The following NRXN3 variants were observed in gnomAD, a reference collection of about 807,000 sequenced individuals.
NRXN3 encodes neurexin III.
Under a neutral mutation model 137.6 loss-of-function variants are expected in NRXN3, and 32 were observed. The ratio of observed to expected loss-of-function variants is 0.23; its 90% confidence interval spans 0.18 to 0.31. NRXN3 has a LOEUF of 0.31. Among genes scored for constraint, NRXN3 ranks in the 10% least tolerant of loss-of-function variants. NRXN3 has a pLI of 1.00. For missense variants in NRXN3, 1,574 were observed against 2,062.5 expected, an observed-to-expected ratio of 0.76 and a Z score of 4.59; for synonymous variants, 798 against 784.5, an observed-to-expected ratio of 1.02 and a Z score of -0.29.
chr14:79,827,795 A>G (rs1240556152), intron 20 of NRXN3, among the ~76,000 whole-genome samples: 1 of 150,918 alleles, frequency 6.6e-6, no homozygotes, highest in Non-Finnish European at 1.5e-5. Flanking sequence ...CCTGGGTTCC[A>G]GCAATTCTCC....
intron 4 of NRXN3, among the ~76,000 whole-genome samples, chr14:78,433,002 G>A (rs997279058): frequency 4.6e-5 from 7 of 152,134 alleles, no homozygotes; most frequent in South Asian, 2.1e-4. Context: ...ATTAGCTCAC[G>A]GTTCTGTAGG....
At chr14:79,680,611 C>T (rs536658068) in intron 17 of NRXN3, among the ~76,000 whole-genome samples, 21 of 151,972 alleles carry the variant, frequency 1.4e-4, no homozygotes, top group Non-Finnish European at 2.1e-4. Flanking sequence ...GGTATTCATA[C>T]CCTGCAGGGA....
chr14:78,854,929 G>A (rs956485610), intron 10 of NRXN3, among the ~76,000 whole-genome samples: 1 of 152,058 alleles, frequency 6.6e-6, no homozygotes, highest in Non-Finnish European at 1.5e-5. Context: ...AAAAATACAG[G>A]TTGAGTAAGG....
At chr14:79,218,054 G>C (rs1458591849) in intron 15 of NRXN3, among the ~76,000 whole-genome samples, 2 of 152,110 alleles carry the variant, frequency 1.3e-5, no homozygotes, top group Non-Finnish European at 2.9e-5. Flanking sequence ...AGCTGAAAGG[G>C]ACCTGTTTCC....
intron 10 of NRXN3, among the ~76,000 whole-genome samples, chr14:78,931,177 TC>T (rs1441401408): frequency 6.6e-6 from 1 of 152,138 alleles, no homozygotes; most frequent in Non-Finnish European, 1.5e-5. Flanking sequence ...GCAGAATTAA[TC>T]AACCTTTGTA....
At chr14:79,792,980 C>T (rs542221001) in intron 19 of NRXN3, among the ~76,000 whole-genome samples, 3 of 152,202 alleles carry the variant, frequency 2.0e-5, no homozygotes, top group South Asian at 2.1e-4. Flanking sequence ...ACAAAAGCTG[C>T]GCCCTTATTA....
At chr14:78,265,734 T>C (rs1404940833) in intron 2 of NRXN3, among the ~76,000 whole-genome samples, 1 of 152,188 alleles carries the variant, frequency 6.6e-6, no homozygotes, top group Non-Finnish European at 1.5e-5. Context: ...TCAATTCTGA[T>C]TTCAGCTCCA....
intron 14 of NRXN3, among the ~76,000 whole-genome samples, chr14:78,980,313 A>C (rs2099486343): frequency 6.6e-6 from 1 of 151,942 alleles, no homozygotes; most frequent in African/African-American, 2.4e-5. Context: ...TGCACCCTAC[A>C]TTTCTCCACC....
chr14:79,226,306 T>G (rs796379687), intron 15 of NRXN3, among the ~76,000 whole-genome samples: 2 of 152,186 alleles, frequency 1.3e-5, no homozygotes, highest in African/African-American at 4.8e-5. Flanking sequence ...TTTTATAAAC[T>G]TGCTGATATG....
chr14:79,734,782 T>C (rs748445959), intron 19 of NRXN3, among the ~76,000 whole-genome samples: 34 of 152,270 alleles, frequency 2.2e-4, no homozygotes, highest in Non-Finnish European at 4.1e-4. Flanking sequence ...TGAGACCAGA[T>C]TCCAGTCTCT....
At chr14:79,438,099 C>T (rs1003761494) in intron 15 of NRXN3, among the ~76,000 whole-genome samples, 2 of 152,138 alleles carry the variant, frequency 1.3e-5, no homozygotes, top group Admixed American at 1.3e-4. Context: ...TGGAAAAACT[C>T]GGGTAGGTGC....
intron 4 of NRXN3, among the ~76,000 whole-genome samples, chr14:78,410,322 A>G (rs2092748308): frequency 6.6e-6 from 1 of 152,236 alleles, no homozygotes; most frequent in African/African-American, 2.4e-5. Flanking sequence ...GCTCTGTTAG[A>G]TGGCGTGGTC....
At chr14:79,184,593 C>T (rs953881019) in intron 15 of NRXN3, among the ~76,000 whole-genome samples, 6 of 152,168 alleles carry the variant, frequency 3.9e-5, no homozygotes, top group African/African-American at 1.4e-4. Context: ...CCCATGCTAA[C>T]CTGAGCTTTC....
chr14:79,608,886 G>A (rs2098061014), intron 16 of NRXN3, among the ~76,000 whole-genome samples: 1 of 151,850 alleles, frequency 6.6e-6, no homozygotes, highest in African/African-American at 2.4e-5. Flanking sequence ...TTCCAATTTA[G>A]GCCTTAAACT....
intron 4 of NRXN3, among the ~76,000 whole-genome samples, chr14:78,451,314 A>C (rs2094546281): frequency 6.6e-6 from 1 of 152,230 alleles, no homozygotes; most frequent in African/African-American, 2.4e-5. Context: ...AACCTAAACC[A>C]AACAACTGGT....
intron 15 of NRXN3, among the ~76,000 whole-genome samples, chr14:79,377,968 CTTA>C (rs2094353991): frequency 6.6e-6 from 1 of 152,158 alleles, no homozygotes; most frequent in Non-Finnish European, 1.5e-5. Flanking sequence ...TAGTTATACT[CTTA>C]CAAGTTGTCC....
chr14:78,530,498 T>C (rs2096445801), intron 4 of NRXN3, among the ~76,000 whole-genome samples: 1 of 152,226 alleles, frequency 6.6e-6, no homozygotes, highest in Non-Finnish European at 1.5e-5. Context: ...AGGGTTGCCC[T>C]GGAAATTGAT....
At chr14:79,281,748 G>T (rs1407312624) in intron 15 of NRXN3, 1 of 152,212 alleles carries the variant, frequency 6.6e-6, no homozygotes, top group Non-Finnish European at 1.5e-5. Context: ...GCAGCTTTAT[G>T]TTTGCAGGAA....
At chr14:79,428,486 TAAGAC>T (rs1300251274) in intron 15 of NRXN3, among the ~76,000 whole-genome samples, 1 of 152,112 alleles carries the variant, frequency 6.6e-6, no homozygotes, top group Non-Finnish European at 1.5e-5. Flanking sequence ...GGTTTAAAGA[TAAGAC>T]ATGAAATTCA....
Sources: allele counts gnomAD v4.1 joint callset (sites outside exome capture counted in the v4.1 genomes callset), GRCh38; gene constraint gnomAD v4.1.1; transcripts MANE v1.5; gene names NCBI Gene and HGNC (gene_info 2026-07-23, HGNC 2026-07-21).